NTRK2: variants seen among roughly 807,000 people sequenced by gnomAD.
The protein encoded by NTRK2 is neurotrophic receptor tyrosine kinase 2, also known as BDNF/NT-3 growth factors receptor.
A neutral mutation model predicts 94.5 loss-of-function variants in NTRK2; 13 were observed. That is an observed-to-expected ratio of 0.14 (90% CI 0.09 to 0.22). NTRK2 has a LOEUF of 0.22. Ranked by LOEUF, NTRK2 falls within the 10% of genes least tolerant of loss-of-function variation. The pLI is 1.00. For missense variants in NTRK2, 639 were observed against 1,071.2 expected (o/e 0.60, Z 5.63); for synonymous variants, 372 against 407.4 (o/e 0.91, Z 1.05).
At chr9:85,007,913 C>G (rs1443243056) in intron 17 of NTRK2, among the ~76,000 whole-genome samples, 1 of 152,162 alleles carries the variant, frequency 6.6e-6, no homozygotes, top group Non-Finnish European at 1.5e-5. Flanking sequence ...ATTAGCCACA[C>G]AGCTACACAT....
In NTRK2 at chr9:84,723,397, A is replaced by G. The variant is rs927136772; in HGVS notation, c.584-176A>G. Among the ~76,000 whole-genome samples, 5 of 152,198 alleles carry G rather than the reference A, an allele frequency of 3.3e-5. No individual in the cohort carries two copies. In the South Asian group the frequency reaches 6.2e-4, roughly 19 times the overall value. On this transcript the variant is annotated intron_variant, in intron 6 of 18. Coordinates refer to ENST00000277120, the MANE Select transcript of NTRK2 (RefSeq NM_006180.6). ...ATCTAATTATAGCTTTTTTTGGTTT[A>G]TGTTAGATCTATGAAGCTGATCAAA...
At chr9:84,891,136 T>C (rs774824909) in intron 14 of NTRK2, among the ~76,000 whole-genome samples, 7 of 152,084 alleles carry the variant, frequency 4.6e-5, no homozygotes, top group Non-Finnish European at 8.8e-5. Context: ...AGTTGGTGAT[T>C]GCTGGCAGGG....
intron 14 of NTRK2, among the ~76,000 whole-genome samples, chr9:84,910,877 T>C (rs1423577677): frequency 1.3e-5 from 2 of 152,328 alleles, no homozygotes; most frequent in African/African-American, 2.4e-5. Flanking sequence ...CACTATTCTG[T>C]ATGAATTTTG....
chr9:85,010,915 G>T (rs1831493230), intron 17 of NTRK2, among the ~76,000 whole-genome samples: 1 of 152,110 alleles, frequency 6.6e-6, no homozygotes, highest in Non-Finnish European at 1.5e-5. Flanking sequence ...CCTTCCCTAT[G>T]TCATGGGGAA....
chr9:84,825,106 C>G (rs1481044910), intron 12 of NTRK2, among the ~76,000 whole-genome samples: 1 of 152,018 alleles, frequency 6.6e-6, no homozygotes, highest in African/African-American at 2.4e-5. Flanking sequence ...CCCAGGACAG[C>G]TTTCCTCTCC....
At chr9:84,765,368 A>G (rs1295662917) in intron 12 of NTRK2, among the ~76,000 whole-genome samples, 2 of 152,194 alleles carry the variant, frequency 1.3e-5, no homozygotes, top group Non-Finnish European at 2.9e-5. Flanking sequence ...CAATAAATAA[A>G]AAAGAGTATA....
chr9:84,792,834 T>C (rs1276751126), intron 12 of NTRK2, among the ~76,000 whole-genome samples: 1 of 152,214 alleles, frequency 6.6e-6, no homozygotes, highest in Non-Finnish European at 1.5e-5. Flanking sequence ...AACTCTGAGC[T>C]ATCTTAGGAC....
intron 14 of NTRK2, among the ~76,000 whole-genome samples, chr9:84,914,633 T>C (rs1275266978): frequency 1.3e-5 from 2 of 152,182 alleles, no homozygotes; most frequent in East Asian, 3.9e-4. Flanking sequence ...GTCCCTATGG[T>C]GGTTCGCTGG....
intron 17 of NTRK2, among the ~76,000 whole-genome samples, chr9:85,015,817 T>C (rs1198536523): frequency 6.6e-6 from 1 of 152,150 alleles, no homozygotes; most frequent in Non-Finnish European, 1.5e-5. Context: ...CTAAGAGGCA[T>C]GAGTAACTTG....
chr9:84,775,061 T>C (rs1208727735), intron 12 of NTRK2, among the ~76,000 whole-genome samples: 1 of 152,240 alleles, frequency 6.6e-6, no homozygotes, highest in Non-Finnish European at 1.5e-5. Flanking sequence ...AATGTTTCCC[T>C]AAGTATATAA....
intron 14 of NTRK2, among the ~76,000 whole-genome samples, chr9:84,885,588 A>G (rs968015505): frequency 2.6e-5 from 4 of 152,158 alleles, no homozygotes; most frequent in Non-Finnish European, 5.9e-5. Flanking sequence ...AACAATAAAC[A>G]GAGTTAGTTT....
intron 2 of NTRK2, among the ~76,000 whole-genome samples, chr9:84,683,203 C>T (rs528489311): frequency 3.2e-4 from 48 of 151,904 alleles, no homozygotes; most frequent in African/African-American, 8.7e-4. Context: ...CTTTAAGTTC[C>T]GGGATACATG....
intron 16 of NTRK2, among the ~76,000 whole-genome samples, chr9:84,952,593 A>T (rs549906412): frequency 6.6e-6 from 1 of 152,342 alleles, no homozygotes; most frequent in East Asian, 1.9e-4. Flanking sequence ...GGACTTGTGT[A>T]GCAGACCCAC....
intron 17 of NTRK2, among the ~76,000 whole-genome samples, chr9:84,988,887 C>T (rs1828697447): frequency 6.6e-6 from 1 of 152,202 alleles, no homozygotes; most frequent in Non-Finnish European, 1.5e-5. Context: ...CTGAGGCTAC[C>T]AGGAGTGGCT....
chr9:85,015,427 C>T (rs1201991518), intron 17 of NTRK2, among the ~76,000 whole-genome samples: 2 of 152,178 alleles, frequency 1.3e-5, no homozygotes, highest in Admixed American at 6.5e-5. Flanking sequence ...AGGCTTGGTT[C>T]TATCGAGAGT....
intron 14 of NTRK2, among the ~76,000 whole-genome samples, chr9:84,886,221 G>A (rs1181032688): frequency 6.6e-6 from 1 of 152,134 alleles, no homozygotes; most frequent in Non-Finnish European, 1.5e-5. Context: ...GTAAAGCAGT[G>A]CCACACAAAG....
At chr9:84,877,068 G>A in intron 14 of NTRK2, 1 of 1,063,774 alleles carries the variant, frequency 9.4e-7, no homozygotes, top group South Asian at 4.6e-5. Context: ...CAAGTAGCAG[G>A]CAGAATAAGA....
At position 84,782,979 on chromosome 9, in the gene NTRK2, T is replaced by C. The variant is rs557874503; in HGVS notation, c.1396+30894T>C. On this transcript the variant is annotated intron_variant, in intron 12 of 18. Transcript: ENST00000277120. ...ATGTAAGAAGTGTAATATACAATAC[T>C]TCTCACATATGAGAGATCAAGAGAA... Among the ~76,000 whole-genome samples the C allele has an allele frequency of 2.6e-5, 4 of 152,278 alleles. No homozygotes were observed. The East Asian group carries it at 7.7e-4, about 29-fold the overall frequency.
intron 2 of NTRK2, among the ~76,000 whole-genome samples, chr9:84,684,145 G>C (rs1000846339): frequency 1.3e-5 from 2 of 151,904 alleles, no homozygotes; most frequent in African/African-American, 4.8e-5. Flanking sequence ...TCTGTAGGTT[G>C]CCTGTTCACT....
Sources: gnomAD v4.1 joint callset for allele counts (sites outside exome capture counted in the v4.1 genomes callset) on GRCh38, gnomAD v4.1.1 for gene constraint, MANE v1.5 for transcripts, NCBI Gene and HGNC (gene_info 2026-07-23, HGNC 2026-07-21) for gene names.